Variants in PWWP3B observed in about 807,000 individuals in gnomAD.
The protein encoded by PWWP3B is PWWP domain-containing DNA repair factor 3B.
Under a neutral mutation model 15.7 loss-of-function variants are expected in PWWP3B, and 5 were observed. That is an observed-to-expected ratio of 0.32 (90% CI 0.17 to 0.67). The LOEUF is 0.67. Among genes scored for constraint, PWWP3B ranks in the 30% least tolerant of loss-of-function variants. The pLI is 0.74. For synonymous variants in PWWP3B, 203 were observed against 179.8 expected (o/e 1.13, Z -1.03); for missense variants, 519 against 493.1 (o/e 1.05, Z -0.50).
chrX:106,192,355 G>T (rs1410262536), intron 2 of PWWP3B, among the ~76,000 whole-genome samples: 1 of 111,505 alleles, frequency 9.0e-6, no homozygotes, highest in Admixed American at 9.5e-5. Context: ...TTCTCTGATG[G>T]TAGTTTGTAT....
chrX:106,179,790 T>C (rs978320996), intron 2 of PWWP3B, among the ~76,000 whole-genome samples: 3 of 112,332 alleles, frequency 2.7e-5, no homozygotes, highest in Non-Finnish European at 5.6e-5. Context: ...GAATATGGGA[T>C]ACAACTGATT....
chrX:106,207,162 C>T lies in PWWP3B; in HGVS notation c.1730C>T (p.Thr577Ile). 8.3e-7 allele frequency: 1 copy of T among 1,205,679 alleles called. No individual in the cohort carries two copies. Among genetic ancestry groups the T allele is most frequent in the South Asian group, 1.8e-5 (1 of 55,865 alleles). The change falls in exon 4 of 4, where the codon ACA (threonine) becomes ATA (isoleucine). Residue 577 changes from threonine to isoleucine, a missense_variant. Physicochemically the swap from Thr to Ile is moderately conservative, Grantham distance 89 (BLOSUM62 -1). Coordinates refer to ENST00000357175, the MANE Select transcript of PWWP3B (RefSeq NM_001171020.2). ...CATCTTCTGGCCATTGTAAATGGCA[C>T]AAAAGGATCCAGATGGCTGAAATCA... ...ENHLLAIVNG[T>I]KGSRWLKSFL... is the part of the protein sequence containing the mutation.
intron 2 of PWWP3B, among the ~76,000 whole-genome samples, chrX:106,182,497 A>T (rs887935185): frequency 9.0e-6 from 1 of 111,614 alleles, no homozygotes; most frequent in Non-Finnish European, 1.9e-5. Flanking sequence ...TTAGCTGGGT[A>T]GACAGAACTG....
chrX:106,172,263 T>A (rs1245181140), intron 2 of PWWP3B, among the ~76,000 whole-genome samples: 1 of 110,009 alleles, frequency 9.1e-6, no homozygotes, highest in Non-Finnish European at 1.9e-5. Flanking sequence ...TAAAAAAAAA[T>A]ATTTTTTTAA....
At chrX:106,169,628 C>T (rs920841303) in intron 1 of PWWP3B, among the ~76,000 whole-genome samples, 3 of 111,573 alleles carry the variant, frequency 2.7e-5, no homozygotes, top group African/African-American at 9.8e-5. Context: ...ATAGTCCAGA[C>T]TCTGGTTCAA....
chrX:106,187,083 T>G (rs932865236), intron 2 of PWWP3B, among the ~76,000 whole-genome samples: 3 of 111,918 alleles, frequency 2.7e-5, no homozygotes, highest in Non-Finnish European at 5.6e-5. Context: ...ATTTTTGTCC[T>G]GTCCTGGTTT....
intron 1 of PWWP3B, among the ~76,000 whole-genome samples, chrX:106,169,666 G>A (rs763263314): frequency 8.9e-6 from 1 of 111,737 alleles, no homozygotes; most frequent in Non-Finnish European, 1.9e-5. Context: ...TTATACTCCT[G>A]AGGAATAATT....
chrX:106,206,504 T>C lies in PWWP3B; in HGVS notation c.1072T>C (p.Ser358Pro), dbSNP rs755054598. ...LEEEGQASDK[S>P]LLPSRINLSL... ...GGAAGAAGGTCAAGCCTCTGACAAG[T>C]CATTGCTTCCAAGTCGCATTAATCT... is the stretch of plus-strand genomic sequence containing the variant. Residue 358 changes from serine to proline, a missense_variant, in exon 4 of 4, where the codon TCA (serine) becomes CCA (proline). Transcript: ENST00000357175. The C allele has an allele frequency of 8.3e-7, 1 of 1,207,890 alleles. No individual in the cohort carries two copies. The highest frequency in any genetic ancestry group is 2.2e-5 in the Admixed American group (1 of 45,306).
intron 2 of PWWP3B, among the ~76,000 whole-genome samples, chrX:106,183,148 G>T (rs1602835192): frequency 9.0e-6 from 1 of 111,041 alleles, no homozygotes; most frequent in East Asian, 2.8e-4. Flanking sequence ...TTCCCACAAA[G>T]AATCCATAGA....
intron 2 of PWWP3B, among the ~76,000 whole-genome samples, chrX:106,172,957 A>T (rs1407774525): frequency 8.9e-6 from 1 of 112,214 alleles, no homozygotes; most frequent in Admixed American, 9.5e-5. Context: ...CAGCTTTATT[A>T]TAATCTTACA....
chrX:106,182,591 G>A (rs79438648), intron 2 of PWWP3B, among the ~76,000 whole-genome samples: 1 of 111,298 alleles, frequency 9.0e-6, no homozygotes, highest in Admixed American at 9.6e-5. Context: ...GCTCTGGTGA[G>A]TGGCTGGAAA....
At position 106,205,544 on chromosome X, in the gene PWWP3B, G is replaced by T. The variant is rs2147640177; in HGVS notation, c.112G>T (p.Glu38Ter). ...NSKRKKAFSL[E>*]VQILSLDEKI... ...TAAGAGGAAAAAGGCATTTTCTCTA[G>T]AAGTTCAAATACTCTCACTAGATGA... The change falls in exon 4 of 4, where the codon GAA becomes TAA. Residue 38 changes from glutamate (E) to a stop codon, truncating the protein, a stop_gained. Coordinates refer to ENST00000357175, the MANE Select transcript of PWWP3B (RefSeq NM_001171020.2). LOFTEE classifies it low-confidence loss of function (END_TRUNC). 8.3e-7 allele frequency: 1 copy of T among 1,204,061 alleles called. No individual in the cohort carries two copies. Among genetic ancestry groups the T allele is most frequent in the South Asian group, 1.8e-5 (1 of 55,574 alleles).
At chrX:106,194,370 G>C (rs190941468) in intron 2 of PWWP3B, among the ~76,000 whole-genome samples, 1 of 111,789 alleles carries the variant, frequency 8.9e-6, no homozygotes, top group African/African-American at 3.3e-5. Flanking sequence ...TGTAGCTCTC[G>C]TGCCTTGGTT....
rs1206753268 is a variant in PWWP3B, at chrX:106,208,032, A to AG, written c.*509_*510insG. The AG allele has an allele frequency of 8.1e-6, 1 of 124,085 alleles. No individual in the cohort carries two copies. The highest frequency in any genetic ancestry group is 9.4e-5 in the Admixed American group (1 of 10,604). The allele number at this position is 124,085 out of a possible 1,213,427, so 10.2% of individuals were successfully genotyped here. A position where few individuals can be genotyped will look rare whatever the true frequency, so the allele number is the denominator to read the frequency against. On this transcript the variant is annotated 3_prime_UTR_variant, in exon 4 of 4. Coordinates refer to ENST00000357175, the MANE Select transcript of PWWP3B (RefSeq NM_001171020.2). ...CATGCCTATTTATTTTTGCAAAAAA[A>AG]TTATCTGCTATATAGAACCAAAGAT... is the stretch of plus-strand genomic sequence containing the variant.
chrX:106,183,026 C>G (rs1317966023), intron 2 of PWWP3B, among the ~76,000 whole-genome samples: 2 of 110,779 alleles, frequency 1.8e-5, no homozygotes, highest in Non-Finnish European at 1.9e-5. Context: ...GCTGACGGTC[C>G]TGCAGGTTCC....
Position 106,207,644 on chromosome X carries a change from T to G in PWWP3B, c.*121T>G. The G allele has an allele frequency of 1.5e-6, 1 of 662,633 alleles. No individual in the cohort carries two copies. Among genetic ancestry groups the G allele is most frequent in the Non-Finnish European group, 2.1e-6 (1 of 469,568 alleles). The allele number at this position is 662,633 out of a possible 1,213,427, so 54.6% of individuals were successfully genotyped here. On this transcript the variant is annotated 3_prime_UTR_variant, in exon 4 of 4. Coordinates refer to ENST00000357175, the MANE Select transcript of PWWP3B (RefSeq NM_001171020.2). ...TGGGAGCATGGATAATGTGTTCACT[T>G]TTTTTTGAGATCTCTAGGATCTGTG...
chrX:106,174,610 T>C (rs1282359213), intron 2 of PWWP3B, among the ~76,000 whole-genome samples: 1 of 111,564 alleles, frequency 9.0e-6, no homozygotes, highest in East Asian at 2.8e-4. Context: ...CAATTCTCTG[T>C]ATAACGAATG....
At chrX:106,204,388 T>C (rs1923871886) in intron 3 of PWWP3B, among the ~76,000 whole-genome samples, 2 of 112,286 alleles carry the variant, frequency 1.8e-5, no homozygotes, top group Admixed American at 9.4e-5. Flanking sequence ...TCGTAACTTC[T>C]AGTTTGGAGA....
intron 2 of PWWP3B, among the ~76,000 whole-genome samples, chrX:106,183,566 C>A (rs1266297400): frequency 9.0e-6 from 1 of 111,722 alleles, no homozygotes; most frequent in Non-Finnish European, 1.9e-5. Flanking sequence ...TATGTCCCTC[C>A]CTAATAAGGG....
Sources: allele counts gnomAD v4.1 joint callset (sites outside exome capture counted in the v4.1 genomes callset), GRCh38; gene constraint gnomAD v4.1.1; transcripts MANE v1.5; gene names NCBI Gene and HGNC (gene_info 2026-07-23, HGNC 2026-07-21).